NLRC4: variants seen among roughly 807,000 people sequenced by gnomAD.
NLRC4 encodes NLR family CARD domain-containing protein 4.
Under a neutral mutation model 79.9 loss-of-function variants are expected in NLRC4, and 63 were observed. The observed-to-expected ratio is 0.79, with a 90% CI of 0.64 to 0.97. The LOEUF is 0.97. Ranked by LOEUF, NLRC4 falls within the 50% of genes least tolerant of loss-of-function variation. The pLI is 0.00. For synonymous variants in NLRC4, 461 were observed against 456.5 expected (o/e 1.01, Z -0.12); for missense variants, 1,074 against 1,215.2 (o/e 0.88, Z 1.73).
At chr2:32,233,150 A>G (rs1157893642) in intron 8 of NLRC4, among the ~76,000 whole-genome samples, 11 of 35,532 alleles carry the variant, frequency 3.1e-4, no homozygotes, top group African/African-American at 2.1e-3. Context: ...GGAAGGAAGG[A>G]AGGAAGGAAG....
chr2:32,247,850 C>T (rs1245558429), intron 4 of NLRC4, among the ~76,000 whole-genome samples: 1 of 151,538 alleles, frequency 6.6e-6, no homozygotes, highest in African/African-American at 2.4e-5. Flanking sequence ...AAAATGAAAT[C>T]ATGTCTTTTG....
chr2:32,260,024 T>A (rs1418857825), intron 1 of NLRC4, among the ~76,000 whole-genome samples: 8 of 149,932 alleles, frequency 5.3e-5, no homozygotes. Flanking sequence ...AGGTCAGGAG[T>A]TCAAGACCAG....
Position 32,241,124 on chromosome 2 carries a change from A to G in NLRC4, c.2259T>C (p.Gly753=). ...AGTTACCCAAGCTGTCAGTCAGACC[A>G]CCTGTCAAAAGAAAAAAGATTGGAC... The part of the protein sequence containing the change: ...IHDLQNQRLP[G]GLTDSLGNLK... Residue 753 remains glycine (G), a splice_region_variant and synonymous_variant, in exon 5 of 9, where the codon GGT becomes GGC. Coordinates refer to ENST00000402280, the MANE Select transcript of NLRC4 (RefSeq NM_001199138.2). 1 of 1,588,104 alleles carries G rather than the reference A, an allele frequency of 6.3e-7. No homozygotes were observed. Among genetic ancestry groups the G allele is most frequent in the Non-Finnish European group, 8.6e-7 (1 of 1,159,824 alleles).
chr2:32,251,031 G>C lies in NLRC4; in HGVS notation c.833C>G (p.Thr278Ser), dbSNP rs748803880. ...NHRFKNMVIV[T>S]TTTECLRHIR... ...GTGCCTCAGGCACTCAGTGGTAGTG[G>C]TGACGATGACCATGTTCTTGAAGCG... The change falls in exon 4 of 9, where the codon ACC (threonine) becomes AGC (serine). Residue 278 changes from threonine (T) to serine (S), a missense_variant. Physicochemically the swap from Thr to Ser is moderately conservative, Grantham distance 58. Transcript: ENST00000402280. 2 of 1,614,198 alleles carry C rather than the reference G, an allele frequency of 1.2e-6. No individual in the cohort carries two copies. Among genetic ancestry groups the C allele is most frequent in the Non-Finnish European group, 1.7e-6 (2 of 1,180,036 alleles).
At chr2:32,243,756 TC>T (rs1686861333) in intron 4 of NLRC4, among the ~76,000 whole-genome samples, 1 of 144,602 alleles carries the variant, frequency 6.9e-6, no homozygotes, top group African/African-American at 2.6e-5. Flanking sequence ...CGAGATCGCA[TC>T]ATTGCACTCA....
In NLRC4 at chr2:32,238,166, G is replaced by A. The variant is rs367982825; in HGVS notation, c.2487C>T (p.Ser829=). 29 of 1,613,618 alleles carry A rather than the reference G, an allele frequency of 1.8e-5. No individual in the cohort carries two copies. The East Asian group carries it at 2.0e-4, about 11-fold the overall frequency. Residue 829 remains serine, a synonymous_variant, in exon 6 of 9, where the codon TCC becomes TCT. Transcript: ENST00000402280. ...PCDLEEIQLV[S]CCLSANAVKI... Reference sequence around the variant, plus strand: ...TCACTGCATTTGCAGACAAGCAGCAGGAGACTAATTGAATTTCTTCAAGGT... The same window carrying A: ...TCACTGCATTTGCAGACAAGCAGCAAGAGACTAATTGAATTTCTTCAAGGT...
intron 7 of NLRC4, 36 bp downstream of exon 7, chr2:32,236,205 ACATATT>A: frequency 8.0e-7 from 1 of 1,248,480 alleles, no homozygotes; most frequent in East Asian, 2.3e-5. Context: ...TACCCAGTAT[ACATATT>A]CAAGTATCTA....
chr2:32,227,075 C>T (rs60906113), intron 8 of NLRC4, among the ~76,000 whole-genome samples: 14,825 of 152,032 alleles, frequency 0.098, 780 homozygotes, highest in Middle Eastern at 0.2. Context: ...GTCACTTTTC[C>T]GCTTTTCCCC....
intron 8 of NLRC4, among the ~76,000 whole-genome samples, chr2:32,225,409 ATGTGTGTGTGTGTGTG>A (rs35323064): frequency 6.7e-6 from 1 of 149,080 alleles, no homozygotes; most frequent in Non-Finnish European, 1.5e-5. Flanking sequence ...CATACAAAGG[ATGTGTGTGTGTGTGTG>A]TGTGTGTGTG....
chr2:32,235,215 T>C (rs1030657840), intron 8 of NLRC4, among the ~76,000 whole-genome samples, 186 bp downstream of exon 8: 1 of 152,122 alleles, frequency 6.6e-6, no homozygotes, highest in African/African-American at 2.4e-5. Context: ...GTAAAGGAAA[T>C]AGAATCTGAA....
In NLRC4 at chr2:32,250,625, C is replaced by T; in HGVS notation, c.1239G>A (p.Val413=). 1.2e-6 allele frequency: 2 copies of T among 1,614,154 alleles called. No homozygotes were observed. The highest frequency in any genetic ancestry group is 1.7e-6 in the Non-Finnish European group (2 of 1,180,030). The change falls in exon 4 of 9, where the codon GTG becomes GTA. Residue 413 remains valine, a synonymous_variant. Coordinates refer to ENST00000402280, the MANE Select transcript of NLRC4 (RefSeq NM_001199138.2). This position sits in a 1 kb window ranked among gnomAD's most constrained non-coding sequence, Gnocchi z 4.9. The part of the protein sequence containing the change: ...SHKFDFELQD[V]SSVNEDVLLT... The stretch of plus-strand genomic sequence containing the variant: ...GCAGGACATCCTCATTCACGCTGGA[C>T]ACATCCTGCAGTTCGAAATCAAACT...
intron 8 of NLRC4, among the ~76,000 whole-genome samples, chr2:32,225,408 GAT>G (rs1558442710): frequency 1.4e-5 from 1 of 71,012 alleles, no homozygotes; most frequent in Non-Finnish European, 2.9e-5. Flanking sequence ...ACATACAAAG[GAT>G]GTGTGTGTGT....
Position 32,250,973 on chromosome 2 carries a change from C to T in NLRC4, c.891G>A (p.Val297=), listed in dbSNP as rs757815789. 1.9e-6 allele frequency: 3 copies of T among 1,614,186 alleles called. No homozygotes were observed. In the South Asian group the frequency reaches 3.3e-5, roughly 18 times the overall value. ...GGGCGCTGTCTTCTGTCATATCCCCCACCTCAGCAGTCAGGGCACCAAACT... is the reference window on the plus strand; with the variant it reads ...GGGCGCTGTCTTCTGTCATATCCCCTACCTCAGCAGTCAGGGCACCAAACT... The part of the protein sequence containing the change: ...IRQFGALTAE[V]GDMTEDSAQA... The change falls in exon 4 of 9, where the codon GTG becomes GTA. Residue 297 remains valine, a synonymous_variant. Coordinates refer to ENST00000402280, the MANE Select transcript of NLRC4 (RefSeq NM_001199138.2). This position sits in a 1 kb window ranked among gnomAD's most constrained non-coding sequence, Gnocchi z 4.9.
intron 4 of NLRC4, among the ~76,000 whole-genome samples, chr2:32,243,906 C>G (rs1472571593): frequency 6.6e-6 from 1 of 151,784 alleles, no homozygotes; most frequent in Non-Finnish European, 1.5e-5. Context: ...TATTGGCAGT[C>G]TAAAAGTAAA....
chr2:32,256,973 A>G (rs1324047042), intron 1 of NLRC4, 80 bp from the exon 2 acceptor site: 1 of 520,362 alleles, frequency 1.9e-6, no homozygotes, highest in African/African-American at 1.9e-5. Flanking sequence ...CCCGCTTTTC[A>G]TAGATGAGAA....
intron 1 of NLRC4, among the ~76,000 whole-genome samples, chr2:32,261,316 C>CACTTTTTTTTTTTTTTTTTTTTTTT: frequency 1.0e-5 from 1 of 96,884 alleles, no homozygotes; most frequent in African/African-American, 4.1e-5. Context: ...AGCCTCCCCC[C>CACTTTTTTTTTTTTTTTTTTTTTTT]TTTTGTTTTT....
At chr2:32,238,925 C>T (rs1686732678) in intron 5 of NLRC4, among the ~76,000 whole-genome samples, 1 of 152,178 alleles carries the variant, frequency 6.6e-6, no homozygotes, top group African/African-American at 2.4e-5. Flanking sequence ...GGTTAGGCCT[C>T]ACTTTGTGTC....
Position 32,251,159 on chromosome 2 carries a change from C to T in NLRC4, c.705G>A (p.Met235Ile). The change falls in exon 4 of 9, where the codon ATG becomes ATA. Residue 235 changes from methionine (M) to isoleucine (I), a missense_variant. Transcript: ENST00000402280. ...GTIRKQTFMA[M>I]LLKLRQRVLF... ...GAACCCTCTGCCGCAGCTTCAGCAG[C>T]ATGGCCATGAATGTCTGCTTCCTGA... 2 of 1,614,238 alleles carry T rather than the reference C, an allele frequency of 1.2e-6. No individual in the cohort carries two copies. The highest frequency in any genetic ancestry group is 2.2e-5 in the East Asian group (1 of 44,886).
At chr2:32,241,381 T>C (rs1686796536) in intron 4 of NLRC4, among the ~76,000 whole-genome samples, 1 of 136,390 alleles carries the variant, frequency 7.3e-6, no homozygotes, top group African/African-American at 2.8e-5. Flanking sequence ...TTTTTTTTTT[T>C]TTTTTTTTTT....
Sources: allele counts gnomAD v4.1 joint callset (sites outside exome capture counted in the v4.1 genomes callset), GRCh38; gene constraint gnomAD v4.1.1; non-coding constraint Gnocchi (gnomAD v3.1); transcripts MANE v1.5; gene names NCBI Gene and HGNC (gene_info 2026-07-23, HGNC 2026-07-21).